FAM91A1: variants seen among roughly 807,000 people sequenced by gnomAD.
The protein encoded by FAM91A1 is family with sequence similarity 91 member A1.
In FAM91A1, 41 loss-of-function variants were observed where a neutral mutation model predicts 113.5. The ratio of observed to expected loss-of-function variants is 0.36; its 90% confidence interval spans 0.28 to 0.47. FAM91A1 has a LOEUF of 0.47. Among genes scored for constraint, FAM91A1 ranks in the 20% least tolerant of loss-of-function variants. The pLI is 1.00. For missense variants in FAM91A1, 696 were observed against 1,001.2 expected (o/e 0.70, Z 4.11); for synonymous variants, 307 against 347.9 (o/e 0.88, Z 1.31).
intron 15 of FAM91A1, among the ~76,000 whole-genome samples, chr8:123,791,304 T>C (rs1438609342): frequency 6.6e-6 from 1 of 151,906 alleles, no homozygotes; most frequent in African/African-American, 2.4e-5. Context: ...TTTTTTTTTT[T>C]CCATTGCCCT....
chr8:123,774,882 G>A lies in FAM91A1; in HGVS notation c.158-265G>A, dbSNP rs183691752. 1.3e-5 allele frequency among the ~76,000 whole-genome samples: 2 copies of A among 152,026 alleles called. 1 individual carries two copies. Among genetic ancestry groups the A allele is most frequent in the Non-Finnish European group, 2.9e-5 (2 of 68,002 alleles). ...TAAAGCTCTGTTTTGTACCTTTTTGGGGGGCATGCTGGTAGTTCCATGCTT... is the reference window on the plus strand; with the variant it reads ...TAAAGCTCTGTTTTGTACCTTTTTGAGGGGCATGCTGGTAGTTCCATGCTT... On this transcript the variant is annotated intron_variant, in intron 2 of 23. Transcript: ENST00000334705.
At chr8:123,784,810 T>C in intron 9 of FAM91A1, 1 of 427,988 alleles carries the variant, frequency 2.3e-6, no homozygotes, top group Admixed American at 4.2e-5. Context: ...TAAAGTATTG[T>C]AGACTATATT....
At chr8:123,794,208 A>G (rs1563643914) in intron 15 of FAM91A1, among the ~76,000 whole-genome samples, 1 of 152,230 alleles carries the variant, frequency 6.6e-6, no homozygotes, top group Non-Finnish European at 1.5e-5. Flanking sequence ...ACGTTTTGGA[A>G]CATTTTTTTG....
At chr8:123,779,858 G>T in intron 6 of FAM91A1, 127 bp from the exon 7 acceptor site, 1 of 724,426 alleles carries the variant, frequency 1.4e-6, no homozygotes. Flanking sequence ...GAATTATAGA[G>T]TGATAAATAT....
At chr8:123,805,837 A>G (rs1328043863) in intron 19 of FAM91A1, among the ~76,000 whole-genome samples, 2 of 152,194 alleles carry the variant, frequency 1.3e-5, no homozygotes, top group African/African-American at 4.8e-5. Flanking sequence ...TTTCTCTTTT[A>G]TAAGTTCACA....
At chr8:123,801,147 A>G (rs568090991) in intron 18 of FAM91A1, among the ~76,000 whole-genome samples, 2 of 152,308 alleles carry the variant, frequency 1.3e-5, no homozygotes, top group East Asian at 3.9e-4. Context: ...TCTCACGGGC[A>G]CTTGATATTA....
chr8:123,810,347 T>A lies in FAM91A1; in HGVS notation c.2327T>A (p.Phe776Tyr). ...SLQVLNFVHS[F>Y]QEGASILDIH... ...CAAGTCCTTAACTTTGTTCACTCAT[T>A]CCAGGTAACAAAAACCAAAAAGTCC... The change falls in exon 23 of 24, where the codon TTC (phenylalanine) becomes TAC (tyrosine). Residue 776 changes from phenylalanine (F) to tyrosine (Y), a missense_variant. By Grantham distance (22) the Phe-to-Tyr change is conservative (BLOSUM62 3). Transcript: ENST00000334705. 6.2e-6 allele frequency: 10 copies of A among 1,613,670 alleles called. No individual in the cohort carries two copies. Among genetic ancestry groups the A allele is most frequent in the Non-Finnish European group, 8.5e-6 (10 of 1,179,758 alleles).
chr8:123,772,060 AG>A (rs1182613292), intron 1 of FAM91A1, among the ~76,000 whole-genome samples: 1 of 152,144 alleles, frequency 6.6e-6, no homozygotes, highest in Non-Finnish European at 1.5e-5. Context: ...TAGGAGTAGG[AG>A]GGGAGCCCAG....
Position 123,774,100 on chromosome 8 carries a change from A to G in FAM91A1, c.93A>G (p.Arg31=). Residue 31 remains arginine, a synonymous_variant, in exon 2 of 24, where the codon AGA becomes AGG. Coordinates refer to ENST00000334705, the MANE Select transcript of FAM91A1 (RefSeq NM_144963.4). ...CCTAGAGTCTTGGAAATTCACAGAG[A>G]GAATATGAAAAGCAGGTTGTCCTGT... ...NVRQSLGNSQ[R]EYEKQVVLYS... is the part of the protein sequence containing the mutation. The G allele has an allele frequency of 6.2e-7, 1 of 1,607,130 alleles. No homozygotes were observed. The highest frequency in any genetic ancestry group is 2.2e-5 in the East Asian group (1 of 44,452).
intron 18 of FAM91A1, among the ~76,000 whole-genome samples, chr8:123,800,510 T>C (rs1256741936): frequency 1.3e-5 from 2 of 152,182 alleles, no homozygotes; most frequent in Non-Finnish European, 2.9e-5. Context: ...GTATTGAGTA[T>C]ATAATTCACA....
In FAM91A1 at chr8:123,787,561, C is replaced by T. The variant is rs1326974447; in HGVS notation, c.1192-103C>T. On this transcript the variant is annotated intron_variant, in intron 13 of 23. Transcript: ENST00000334705. The stretch of plus-strand genomic sequence containing the variant: ...AAGAATTAGCCCCTCACCCCCCAAT[C>T]CTTAAGTTTAAATATATTTGAAAGG... 5 of 1,107,076 alleles carry T rather than the reference C, an allele frequency of 4.5e-6. No individual in the cohort carries two copies. The African/African-American group carries it at 7.9e-5, about 18-fold the overall frequency. The allele number at this position is 1,107,076 out of a possible 1,614,324, so 68.6% of individuals were successfully genotyped here.
intron 15 of FAM91A1, among the ~76,000 whole-genome samples, chr8:123,794,727 C>T (rs1815467458): frequency 6.6e-6 from 1 of 152,218 alleles, no homozygotes; most frequent in African/African-American, 2.4e-5. Context: ...CCATAAACCT[C>T]AAATAACACT....
chr8:123,785,004 T>G (rs1045681365), intron 9 of FAM91A1, 77 bp from the exon 10 acceptor site: 1 of 1,072,132 alleles, frequency 9.3e-7, no homozygotes, highest in Admixed American at 2.6e-5. Flanking sequence ...TGATTATGAT[T>G]ATATTGGTCT....
chr8:123,805,106 T>A (rs1291682126), intron 18 of FAM91A1, among the ~76,000 whole-genome samples, 161 bp from the exon 19 acceptor site: 1 of 152,220 alleles, frequency 6.6e-6, no homozygotes, highest in Non-Finnish European at 1.5e-5. Context: ...CACATAAGAT[T>A]GTCACTGCTT....
chr8:123,783,200 C>T (rs1052571303), intron 8 of FAM91A1, among the ~76,000 whole-genome samples: 1 of 151,868 alleles, frequency 6.6e-6, no homozygotes, highest in African/African-American at 2.4e-5. Context: ...TAAATAGATA[C>T]ATTTAAAAAT....
chr8:123,811,400 A>G (rs1815949476), intron 23 of FAM91A1: 1 of 152,208 alleles, frequency 6.6e-6, no homozygotes, highest in Non-Finnish European at 1.5e-5. Flanking sequence ...GCAAAAATGG[A>G]AATTTTATAA....
intron 21 of FAM91A1, 56 bp from the exon 22 acceptor site, chr8:123,808,837 T>C: frequency 7.0e-7 from 1 of 1,433,088 alleles, no homozygotes; most frequent in Non-Finnish European, 9.4e-7. Context: ...TTATATATAA[T>C]ATATACATAA....
At chr8:123,771,739 G>A (rs1043462772) in intron 1 of FAM91A1, among the ~76,000 whole-genome samples, 1 of 151,988 alleles carries the variant, frequency 6.6e-6, no homozygotes, top group East Asian at 1.9e-4. Flanking sequence ...TTTTTGATGC[G>A]GCACAGGGGT....
chr8:123,808,294 CT>C lies in FAM91A1; in HGVS notation c.2056del (p.Ser686GlnfsTer3). The C allele has an allele frequency of 6.2e-7, 1 of 1,612,758 alleles. No homozygotes were observed. The highest frequency in any genetic ancestry group is 8.5e-7 in the Non-Finnish European group (1 of 1,179,524). On this transcript the variant is annotated frameshift_variant, in exon 21 of 24. Transcript: ENST00000334705. LOFTEE classifies it high-confidence loss of function. ...AAGGAGAACCTGATTTGGCTTCTGG[CT>C]CAGATGTAAATGGGAGTACAGAGTC... The part of the protein sequence containing the change: ...ERGEPDLASG[S>X]DVNGSTESFE...
Sources: gnomAD v4.1 joint callset for allele counts (sites outside exome capture counted in the v4.1 genomes callset) on GRCh38, gnomAD v4.1.1 for gene constraint, MANE v1.5 for transcripts, NCBI Gene and HGNC (gene_info 2026-07-23, HGNC 2026-07-21) for gene names.